Variants in CNOT8 observed in about 807,000 individuals in gnomAD.
The protein encoded by CNOT8 is CCR4-NOT transcription complex subunit 8.
A neutral mutation model predicts 34.6 loss-of-function variants in CNOT8; 18 were observed. The ratio of observed to expected loss-of-function variants is 0.52; its 90% confidence interval spans 0.36 to 0.77. The LOEUF is 0.77. Ranked by LOEUF, CNOT8 falls within the 30% of genes least tolerant of loss-of-function variation. CNOT8 has a pLI of 0.00. For synonymous variants in CNOT8, 101 were observed against 118.8 expected (o/e 0.85, Z 0.98); for missense variants, 189 against 347.9 (o/e 0.54, Z 3.63).
At chr5:154,866,893 A>G (rs1761946236) in intron 3 of CNOT8, among the ~76,000 whole-genome samples, 1 of 152,210 alleles carries the variant, frequency 6.6e-6, no homozygotes, top group Non-Finnish European at 1.5e-5. Flanking sequence ...AGCCTAGGTG[A>G]CAGAATGAGA....
At chr5:154,862,469 CA>C (rs879928551) in intron 1 of CNOT8, among the ~76,000 whole-genome samples, 108 of 140,276 alleles carry the variant, frequency 7.7e-4, no homozygotes, top group African/African-American at 6.0e-4. Context: ...GACTCCATCT[CA>C]AAAAAAAAAA....
At chr5:154,874,194 T>C (rs1321894755) in intron 6 of CNOT8, among the ~76,000 whole-genome samples, 1 of 152,066 alleles carries the variant, frequency 6.6e-6, no homozygotes, top group East Asian at 1.9e-4. Context: ...AGCACAGAGA[T>C]ACTGGCAGTA....
chr5:154,873,674 G>C (rs1270691886), intron 6 of CNOT8, among the ~76,000 whole-genome samples: 1 of 152,156 alleles, frequency 6.6e-6, no homozygotes, highest in Non-Finnish European at 1.5e-5. Flanking sequence ...CAGATTAATT[G>C]ATCTGTAGAC....
At position 154,875,421 on chromosome 5, in the gene CNOT8, C is replaced by T. The variant is rs1762856023; in HGVS notation, c.861C>T (p.Ile287=). The T allele has an allele frequency of 1.2e-6, 2 of 1,613,666 alleles. No individual in the cohort carries two copies. Among genetic ancestry groups the T allele is most frequent in the African/African-American group, 1.3e-5 (1 of 74,898 alleles). The stretch of plus-strand genomic sequence containing the variant: ...AGAAGATGAGCATCCTGGCGATTAT[C>T]AACAACATGCAGCAGTGATGGCGCC... The part of the protein sequence containing the change: ...AQEKMSILAI[I]NNMQQ The change falls in exon 7 of 7, where the codon ATC becomes ATT. Residue 287 remains isoleucine, a synonymous_variant. Transcript: ENST00000285896.
At chr5:154,859,317 G>C (rs748332221) in intron 1 of CNOT8, 2 of 152,126 alleles carry the variant, frequency 1.3e-5, no homozygotes, top group Non-Finnish European at 2.9e-5. Context: ...GGAATCTTGC[G>C]GGCCTCCCCC....
intron 3 of CNOT8, among the ~76,000 whole-genome samples, chr5:154,867,361 C>T (rs1313472658): frequency 6.6e-6 from 1 of 152,028 alleles, no homozygotes; most frequent in African/African-American, 2.4e-5. Context: ...TAGCATTATA[C>T]GACCATTAAT....
intron 3 of CNOT8, among the ~76,000 whole-genome samples, chr5:154,870,128 C>T (rs1347712581): frequency 6.6e-6 from 1 of 152,126 alleles, no homozygotes; most frequent in African/African-American, 2.4e-5. Context: ...TGAGTCCCCT[C>T]CAGTTCTTGG....
At chr5:154,869,013 A>G (rs967745739) in intron 3 of CNOT8, among the ~76,000 whole-genome samples, 2 of 152,120 alleles carry the variant, frequency 1.3e-5, no homozygotes, top group Non-Finnish European at 2.9e-5. Flanking sequence ...CTCACTGGCC[A>G]TGGTGGCGGT....
chr5:154,872,854 C>T (rs374390361), intron 6 of CNOT8, among the ~76,000 whole-genome samples: 74 of 152,232 alleles, frequency 4.9e-4, no homozygotes, highest in African/African-American at 1.7e-3. Context: ...CTGCAACCTC[C>T]GCCTCCCGGG....
At chr5:154,860,369 C>T (rs1434513130) in intron 1 of CNOT8, among the ~76,000 whole-genome samples, 4 of 152,158 alleles carry the variant, frequency 2.6e-5, no homozygotes, top group Non-Finnish European at 4.4e-5. Flanking sequence ...GTGGCGTAAT[C>T]ACAGCTCACT....
intron 6 of CNOT8, among the ~76,000 whole-genome samples, chr5:154,873,404 C>CT (rs1397552290): frequency 6.6e-6 from 1 of 152,126 alleles, no homozygotes; most frequent in Non-Finnish European, 1.5e-5. Context: ...CAGTTATTTG[C>CT]TTTTTTTCTG....
chr5:154,863,337 TAGA>T lies in CNOT8; in HGVS notation c.66_68del (p.Glu23del), dbSNP rs778598380. 1 of 1,614,166 alleles carries T rather than the reference TAGA, an allele frequency of 6.2e-7. No individual in the cohort carries two copies. The highest frequency in any genetic ancestry group is 1.1e-5 in the South Asian group (1 of 91,088). ...ATCTGTGAAGTGTGGGCCAGTAATCTAGAAGAAGAGATGAGGAAGATCCGAGAA... is the reference window on the plus strand; with the variant it reads ...ATCTGTGAAGTGTGGGCCAGTAATCTAGAAGAGATGAGGAAGATCCGAGAA... On this transcript the variant is annotated inframe_deletion, in exon 2 of 7. Coordinates refer to ENST00000285896, the MANE Select transcript of CNOT8 (RefSeq NM_001301073.2).
chr5:154,875,572 TTTTG>T lies in CNOT8; in HGVS notation c.*137_*140del. The T allele has an allele frequency of 1.0e-6, 1 of 984,586 alleles. No individual in the cohort carries two copies. The highest frequency in any genetic ancestry group is 1.4e-6 in the Non-Finnish European group (1 of 696,736). The allele number at this position is 984,586 out of a possible 1,614,324, so 61.0% of individuals were successfully genotyped here. ...TACCATCTGCATTGAGCAGAAAGAC[TTTTG>T]TTTTACTGAAGACAAAAGATGTTTT... is the stretch of plus-strand genomic sequence containing the variant. On this transcript the variant is annotated 3_prime_UTR_variant, in exon 7 of 7. Coordinates refer to ENST00000285896, the MANE Select transcript of CNOT8 (RefSeq NM_001301073.2).
At chr5:154,869,740 T>C (rs554528240) in intron 3 of CNOT8, among the ~76,000 whole-genome samples, 3 of 151,442 alleles carry the variant, frequency 2.0e-5, no homozygotes, top group Admixed American at 2.0e-4. Context: ...GTCTGCTGCC[T>C]CAGGCTCCCA....
intron 4 of CNOT8, among the ~76,000 whole-genome samples, 195 bp downstream of exon 4, chr5:154,871,017 G>A (rs538236025): frequency 3.5e-4 from 53 of 152,160 alleles, no homozygotes; most frequent in Non-Finnish European, 6.8e-4. Context: ...GTTTCACACA[G>A]TATTTGGCTC....
intron 6 of CNOT8, 112 bp downstream of exon 6, chr5:154,872,763 AT>A (rs1161250494): frequency 3.3e-5 from 14 of 425,964 alleles, no homozygotes; most frequent in Non-Finnish European, 5.8e-5. Context: ...TTTATTTTTT[AT>A]TTATTTATTA....
rs552928847 is a variant in CNOT8 at position 154,867,334 on chromosome 5, G to A, written c.311+1949G>A. ...AGTCTGGAAAGATCTGTAAACAAAGGTATTGGATCTGTGGGGTAGCATTAT... is the reference window on the plus strand; with the variant it reads ...AGTCTGGAAAGATCTGTAAACAAAGATATTGGATCTGTGGGGTAGCATTAT... On this transcript the variant is annotated intron_variant, in intron 3 of 6. Coordinates refer to ENST00000285896, the MANE Select transcript of CNOT8 (RefSeq NM_001301073.2). Among the ~76,000 whole-genome samples the A allele has an allele frequency of 5.3e-5, 8 of 152,278 alleles. No individual in the cohort carries two copies. The East Asian group carries it at 1.5e-3, about 29-fold the overall frequency.
Position 154,875,512 on chromosome 5 carries a change from C to T in CNOT8, c.*73C>T. ...TGTGCTGACTGTGTACTTATCTTCC[C>T]CAAGAGAAAATGCTTCTTTTGAGCA... On this transcript the variant is annotated 3_prime_UTR_variant, in exon 7 of 7. Transcript: ENST00000285896. 6.5e-7 allele frequency: 1 copy of T among 1,536,776 alleles called. No individual in the cohort carries two copies. Among genetic ancestry groups the T allele is most frequent in the Non-Finnish European group, 8.8e-7 (1 of 1,135,936 alleles).
intron 3 of CNOT8, among the ~76,000 whole-genome samples, chr5:154,870,218 TTG>T (rs139825160): frequency 0.06 from 9,020 of 150,308 alleles, 532 homozygotes; most frequent in African/African-American, 0.16. Flanking sequence ...TAATCTTTGT[TTG>T]TGTGTGTGTG....
Sources: allele counts gnomAD v4.1 joint callset (sites outside exome capture counted in the v4.1 genomes callset), GRCh38; gene constraint gnomAD v4.1.1; transcripts MANE v1.5; gene names NCBI Gene and HGNC (gene_info 2026-07-23, HGNC 2026-07-21).